CDKN2B-AS1: variants seen among roughly 807,000 people sequenced by gnomAD.
CDKN2B-AS1 encodes CDKN2B antisense RNA 1 (non-protein coding).
intron 1 of CDKN2B-AS1, chr9:22,046,432 T>C (rs1375994251): frequency 1.3e-5 from 2 of 152,146 alleles, no homozygotes; most frequent in Non-Finnish European, 2.9e-5. Flanking sequence ...CTGCCTGCCC[T>C]GTCGAGGAAC....
intron 1 of CDKN2B-AS1, among the ~76,000 whole-genome samples, chr9:22,019,693 A>T (rs1220217203): frequency 3.3e-5 from 5 of 152,160 alleles, no homozygotes; most frequent in Non-Finnish European, 7.4e-5. Context: ...CCTAATTTAG[A>T]CTAATTTGCA....
At chr9:22,106,463 C>T (rs896484408) in intron 4 of CDKN2B-AS1, among the ~76,000 whole-genome samples, 3 of 152,166 alleles carry the variant, frequency 2.0e-5, no homozygotes, top group African/African-American at 7.2e-5. Context: ...GTGATCTGCC[C>T]ACCTTGGCTT....
At chr9:22,086,215 C>G (rs189584581) in intron 4 of CDKN2B-AS1, among the ~76,000 whole-genome samples, 3 of 152,250 alleles carry the variant, frequency 2.0e-5, no homozygotes, top group Non-Finnish European at 4.4e-5. Flanking sequence ...GGAGCTTGAT[C>G]AGTGTTTGTT....
At chr9:22,110,531 A>G (rs1482349079) in intron 4 of CDKN2B-AS1, among the ~76,000 whole-genome samples, 3 of 152,174 alleles carry the variant, frequency 2.0e-5, no homozygotes, top group Non-Finnish European at 4.4e-5. Flanking sequence ...TATGGATCCC[A>G]TCTTTTAATG....
intron 4 of CDKN2B-AS1, among the ~76,000 whole-genome samples, chr9:22,093,151 T>C (rs1195619911): frequency 6.7e-6 from 1 of 150,000 alleles, no homozygotes; most frequent in Non-Finnish European, 1.5e-5. Flanking sequence ...AGTTTCTTAA[T>C]CTTGAGTTCT....
intron 4 of CDKN2B-AS1, among the ~76,000 whole-genome samples, chr9:22,082,052 C>T (rs902204443): frequency 6.6e-6 from 1 of 152,188 alleles, no homozygotes; most frequent in Non-Finnish European, 1.5e-5. Context: ...TCCTCCAGAC[C>T]TACCTATACT....
At chr9:22,072,502 C>T (rs77746168) in intron 4 of CDKN2B-AS1, among the ~76,000 whole-genome samples, 2,337 of 152,244 alleles carry the variant, frequency 0.015, 58 homozygotes, top group African/African-American at 0.053. Flanking sequence ...TGCCTGTGTG[C>T]GCCTGCACAT....
chr9:22,054,115 ATAC>A (rs1823461826), intron 3 of CDKN2B-AS1, among the ~76,000 whole-genome samples: 1 of 152,240 alleles, frequency 6.6e-6, no homozygotes, highest in African/African-American at 2.4e-5. Flanking sequence ...TAAACAATTT[ATAC>A]ACACTATCTC....
In CDKN2B-AS1 at chr9:22,006,794, G is replaced by A. The variant is rs2069425; in HGVS notation, n.29+11633G>A. ...TTATTTAGTTCTCATAGCAAATCCC[G>A]TGCGGAAGGCTTTTGTTTGTCATGT... On this transcript the variant is annotated intron_variant and non_coding_transcript_variant, in intron 1 of 4. Coordinates refer to ENST00000650946, the Ensembl canonical transcript of CDKN2B-AS1. The surrounding 1 kb of genome is among the most constrained non-coding windows in gnomAD (Gnocchi z 6.4). 1.3e-5 allele frequency among the ~76,000 whole-genome samples: 2 copies of A among 151,066 alleles called. No homozygotes were observed. The highest frequency in any genetic ancestry group is 2.4e-5 in the African/African-American group (1 of 41,060).
intron 1 of CDKN2B-AS1, among the ~76,000 whole-genome samples, chr9:22,034,088 C>T (rs1008516730): frequency 6.6e-6 from 1 of 152,144 alleles, no homozygotes; most frequent in African/African-American, 2.4e-5. Flanking sequence ...TGAATAGATA[C>T]AGATACAATG....
intron 1 of CDKN2B-AS1, among the ~76,000 whole-genome samples, chr9:22,032,323 A>T (rs1587430765): frequency 6.6e-6 from 1 of 151,648 alleles, no homozygotes; most frequent in Non-Finnish European, 1.5e-5. Context: ...TTATTCTCCC[A>T]TTTTTCTCCT....
intron 1 of CDKN2B-AS1, chr9:22,012,650 T>G (rs1326467465): frequency 5.5e-6 from 2 of 362,274 alleles, no homozygotes; most frequent in South Asian, 2.3e-5. Context: ...TAGAACTGGT[T>G]GACTGGCCAA....
intron 4 of CDKN2B-AS1, among the ~76,000 whole-genome samples, chr9:22,106,471 C>T (rs1825662619): frequency 6.6e-6 from 1 of 152,232 alleles, no homozygotes; most frequent in African/African-American, 2.4e-5. Context: ...CCCACCTTGG[C>T]TTCCCAAAGT....
At chr9:22,032,981 C>G (rs1822539967) in intron 1 of CDKN2B-AS1, 1 of 151,944 alleles carries the variant, frequency 6.6e-6, no homozygotes, top group African/African-American at 2.4e-5. Flanking sequence ...AGAAGGTGGG[C>G]AGCAGGTGAG....
chr9:22,116,740 G>A (rs1480851231), intron 4 of CDKN2B-AS1, among the ~76,000 whole-genome samples: 1 of 152,152 alleles, frequency 6.6e-6, no homozygotes, highest in East Asian at 1.9e-4. Context: ...GCAGTGCTGA[G>A]GCCATAAAAG....
chr9:22,099,208 G>T (rs1241880410), intron 4 of CDKN2B-AS1, among the ~76,000 whole-genome samples: 1 of 152,142 alleles, frequency 6.6e-6, no homozygotes, highest in Non-Finnish European at 1.5e-5. Flanking sequence ...CTCCATTTTT[G>T]AGGAATAGCC....
chr9:22,075,269 G>A (rs1210951693), intron 4 of CDKN2B-AS1, among the ~76,000 whole-genome samples: 1 of 152,178 alleles, frequency 6.6e-6, no homozygotes, highest in African/African-American at 2.4e-5. Flanking sequence ...CAAGAGTCAG[G>A]ATGTCTTTGC....
chr9:22,092,767 A>C (rs1825138123), intron 4 of CDKN2B-AS1, among the ~76,000 whole-genome samples: 1 of 152,106 alleles, frequency 6.6e-6, no homozygotes, highest in African/African-American at 2.4e-5. Flanking sequence ...TCTTTTCAAA[A>C]AACCAGCTCC....
intron 4 of CDKN2B-AS1, among the ~76,000 whole-genome samples, chr9:22,081,952 T>A (rs1442867607): frequency 6.6e-6 from 1 of 152,214 alleles, no homozygotes; most frequent in African/African-American, 2.4e-5. Context: ...ACCCCCAGCC[T>A]GTGGCTGGGG....
Sources: gnomAD v4.1 joint callset for allele counts (sites outside exome capture counted in the v4.1 genomes callset) on GRCh38, gnomAD v4.1.1 for gene constraint, Gnocchi (gnomAD v3.1) non-coding constraint, MANE v1.5 for transcripts, NCBI Gene and HGNC (gene_info 2026-07-23, HGNC 2026-07-21) for gene names.